The following NBAS variants were observed in gnomAD, a reference collection of about 807,000 sequenced individuals.
NBAS encodes NBAS subunit of NRZ tethering complex.
Under a neutral mutation model 302.5 loss-of-function variants are expected in NBAS, and 219 were observed. The observed-to-expected ratio is 0.72, with a 90% CI of 0.65 to 0.81. The LOEUF (loss-of-function observed/expected upper bound fraction) is 0.81, where lower values mean the gene tolerates loss of function less well. Ranked by LOEUF, NBAS falls within the 30% of genes least tolerant of loss-of-function variation. NBAS has a pLI of 0.00. For missense variants in NBAS, 2,932 were observed against 2,841.6 expected (o/e 1.03, Z -0.72); for synonymous variants, 1,118 against 1,021.6 (o/e 1.09, Z -1.80).
intron 44 of NBAS, among the ~76,000 whole-genome samples, chr2:15,242,232 T>C (rs1438795377): frequency 6.6e-6 from 1 of 152,228 alleles, no homozygotes; most frequent in Non-Finnish European, 1.5e-5. Flanking sequence ...TTTAAATTGT[T>C]TGACTTCATC....
chr2:15,482,219 C>T (rs531895934), intron 12 of NBAS, among the ~76,000 whole-genome samples: 16 of 152,294 alleles, frequency 1.1e-4, no homozygotes, highest in African/African-American at 2.4e-4. Context: ...CAACCTCGAC[C>T]TCCTGGGCTC....
At chr2:15,555,254 C>A in intron 3 of NBAS, among the ~76,000 whole-genome samples, 1 of 147,032 alleles carries the variant, frequency 6.8e-6, no homozygotes. Context: ...ACAATAAGAC[C>A]CTCTCTTAAA....
chr2:15,560,098 G>GA (rs1174146153), intron 1 of NBAS, among the ~76,000 whole-genome samples: 7 of 152,032 alleles, frequency 4.6e-5, no homozygotes, highest in Non-Finnish European at 1.0e-4. Context: ...GAAACACTCA[G>GA]AAAAAATGTA....
At chr2:15,064,496 A>T in the NBAS span, among the ~76,000 whole-genome samples, 2 of 152,076 alleles carry the variant, frequency 1.3e-5, no homozygotes, top group Non-Finnish European at 2.9e-5. Context: ...GTAGTTTGAC[A>T]TGCAAAAATA....
chr2:15,494,413 T>A (rs1197522740), intron 11 of NBAS, among the ~76,000 whole-genome samples: 1 of 152,216 alleles, frequency 6.6e-6, no homozygotes, highest in Non-Finnish European at 1.5e-5. Context: ...TTTAATGCAT[T>A]TATCATATAA....
intron 27 of NBAS, 91 bp from the exon 28 acceptor site, chr2:15,394,440 G>A (rs186308613): frequency 2.9e-6 from 4 of 1,382,354 alleles, no homozygotes; most frequent in Admixed American, 3.7e-5. Flanking sequence ...TCAGTGTTTA[G>A]TATTAAAAAA....
intron 25 of NBAS, among the ~76,000 whole-genome samples, chr2:15,410,962 T>C (rs144039034): frequency 8.2e-4 from 125 of 152,332 alleles, no homozygotes; most frequent in African/African-American, 2.9e-3. Context: ...GTGCTGCAGC[T>C]TCCAAGGCCT....
chr2:15,352,173 A>G, intron 34 of NBAS, 92 bp from the exon 35 acceptor site: 1 of 874,076 alleles, frequency 1.1e-6, no homozygotes, highest in Non-Finnish European at 1.8e-6. Flanking sequence ...AAGTACTTTT[A>G]AAAAGAAAAT....
At chr2:15,257,530 T>C (rs1246899912) in intron 44 of NBAS, among the ~76,000 whole-genome samples, 1 of 151,906 alleles carries the variant, frequency 6.6e-6, no homozygotes, top group African/African-American at 2.4e-5. Flanking sequence ...GTGGCTGAGA[T>C]TGCAAAAGCC....
intron 35 of NBAS, among the ~76,000 whole-genome samples, chr2:15,348,247 G>A (rs769066074): frequency 3.3e-5 from 5 of 152,190 alleles, no homozygotes; most frequent in Non-Finnish European, 7.3e-5. Context: ...ACAATTTGCT[G>A]AAAGGGGACA....
At chr2:15,204,490 T>C (rs1232863384) in intron 48 of NBAS, among the ~76,000 whole-genome samples, 1 of 152,104 alleles carries the variant, frequency 6.6e-6, no homozygotes, top group African/African-American at 2.4e-5. Flanking sequence ...ATAAACTCTG[T>C]GAGACTGGGC....
chr2:15,359,512 T>A (rs983965568), intron 32 of NBAS, among the ~76,000 whole-genome samples: 3 of 152,166 alleles, frequency 2.0e-5, no homozygotes, highest in African/African-American at 7.2e-5. Context: ...CAAGAAAAAT[T>A]CAGCTCATGT....
chr2:15,048,416 C>A, the NBAS span, among the ~76,000 whole-genome samples: 2 of 152,234 alleles, frequency 1.3e-5, no homozygotes, highest in Non-Finnish European at 2.9e-5. Flanking sequence ...ATCAGCTCAG[C>A]CCCCAGGCCT....
intron 9 of NBAS, among the ~76,000 whole-genome samples, chr2:15,529,120 C>A (rs571726960): frequency 3.4e-4 from 52 of 152,072 alleles, no homozygotes; most frequent in African/African-American, 1.2e-3. Context: ...ACTTCTGTAA[C>A]TGAACACATA....
chr2:15,144,176 CAT>C, the NBAS span, among the ~76,000 whole-genome samples: 233 of 151,842 alleles, frequency 1.5e-3, no homozygotes, highest in Middle Eastern at 3.4e-3. Context: ...CTCCCCAACA[CAT>C]ATGCACACAC....
chr2:14,987,288 T>C, the NBAS span, among the ~76,000 whole-genome samples: 1 of 152,066 alleles, frequency 6.6e-6, no homozygotes, highest in Non-Finnish European at 1.5e-5. Flanking sequence ...ATTTCAATAA[T>C]AGTCATATTC....
chr2:14,830,826 G>A, the NBAS span, among the ~76,000 whole-genome samples: 1 of 152,184 alleles, frequency 6.6e-6, no homozygotes, highest in Non-Finnish European at 1.5e-5. Flanking sequence ...TCCCCACTGT[G>A]TCCAGTGGTG....
At chr2:15,531,759 G>C (rs758388531) in intron 9 of NBAS, among the ~76,000 whole-genome samples, 1 of 152,234 alleles carries the variant, frequency 6.6e-6, no homozygotes, top group East Asian at 1.9e-4. Flanking sequence ...TATTCCTGCT[G>C]ATAGAATACT....
chr2:14,857,640 G>C, the NBAS span, among the ~76,000 whole-genome samples: 1 of 152,098 alleles, frequency 6.6e-6, no homozygotes, highest in Non-Finnish European at 1.5e-5. Flanking sequence ...AATGAAACTA[G>C]ACCTCTTTCT....
Sources: allele counts gnomAD v4.1 joint callset (sites outside exome capture counted in the v4.1 genomes callset), GRCh38; gene constraint gnomAD v4.1.1; transcripts MANE v1.5; gene names NCBI Gene and HGNC (gene_info 2026-07-23, HGNC 2026-07-21).